Variants in COL11A1 observed in about 807,000 individuals in gnomAD.
The protein encoded by COL11A1 is collagen alpha-1(XI) chain.
COL11A1 carries 74 observed loss-of-function variants against 265.2 expected under a neutral mutation model. The ratio of observed to expected loss-of-function variants is 0.28; its 90% confidence interval spans 0.23 to 0.34. The LOEUF (loss-of-function observed/expected upper bound fraction) is 0.34. Among genes scored for constraint, COL11A1 ranks in the 10% least tolerant of loss-of-function variants. The pLI is 1.00. For synonymous variants in COL11A1, 816 were observed against 727.6 expected (o/e 1.12, Z -1.96); for missense variants, 2,165 against 2,263.6 (o/e 0.96, Z 0.88).
rs186275262 is a variant in COL11A1 at position 102,982,800 on chromosome 1, C to T, written c.2556+1338G>A. ...ACGTGGCAATGAGGGAACACAATGA[C>T]ATGCAGTTTACATATTCAGGGAGAA... On this transcript the variant is annotated intron_variant, in intron 31 of 66. Coordinates refer to ENST00000370096, the MANE Select transcript of COL11A1 (RefSeq NM_001854.4). Among the ~76,000 whole-genome samples the T allele has an allele frequency of 1.5e-3, 235 of 152,168 alleles. 1 individual carries two copies. The highest frequency in any genetic ancestry group is 0.01 in the Middle Eastern group (3 of 294).
Position 103,004,931 on chromosome 1 carries a change from G to A in COL11A1, c.1846-270C>T, listed in dbSNP as rs71664955. Among the ~76,000 whole-genome samples the A allele has an allele frequency of 0.024, 3,679 of 151,610 alleles. 58 individuals carry two copies. Among genetic ancestry groups the A allele is most frequent in the Middle Eastern group, 0.09 (26 of 290 alleles). On this transcript the variant is annotated intron_variant, in intron 18 of 66. Coordinates refer to ENST00000370096, the MANE Select transcript of COL11A1 (RefSeq NM_001854.4). ...TTATGTAAAATAAGTATCTTAAATC[G>A]TTTTCAGACATTTAATTATTTTAAG...
chr1:102,974,608 C>T (rs1050946965), intron 36 of COL11A1, among the ~76,000 whole-genome samples: 6 of 151,936 alleles, frequency 3.9e-5, no homozygotes, highest in East Asian at 1.9e-4. Flanking sequence ...TTCTAGTCTT[C>T]GGTATACTGT....
At chr1:102,888,262 G>A (rs1651257853) in intron 62 of COL11A1, among the ~76,000 whole-genome samples, 1 of 152,084 alleles carries the variant, frequency 6.6e-6, no homozygotes, top group African/African-American at 2.4e-5. Flanking sequence ...TATTCCTAGA[G>A]TCAAGTAAAA....
chr1:103,046,508 C>T (rs746708227), intron 4 of COL11A1, among the ~76,000 whole-genome samples: 1 of 151,412 alleles, frequency 6.6e-6, no homozygotes, highest in Non-Finnish European at 1.5e-5. Context: ...GATATTAGCC[C>T]TTTGTCAGAT....
At chr1:102,913,822 C>A in intron 52 of COL11A1, 132 bp from the exon 53 acceptor site, 1 of 848,594 alleles carries the variant, frequency 1.2e-6, no homozygotes, top group Admixed American at 2.3e-5. Flanking sequence ...TCATTATATT[C>A]TTTTAACCTT....
At chr1:103,054,448 G>T (rs755365989) in intron 4 of COL11A1, among the ~76,000 whole-genome samples, 1 of 152,122 alleles carries the variant, frequency 6.6e-6, no homozygotes, top group Non-Finnish European at 1.5e-5. Context: ...TTCAGGTATT[G>T]AAGGCTTCTT....
At chr1:103,085,113 C>T (rs61817087) in intron 1 of COL11A1, among the ~76,000 whole-genome samples, 1 of 152,196 alleles carries the variant, frequency 6.6e-6, no homozygotes, top group Non-Finnish European at 1.5e-5. Context: ...GTCCTCCCAC[C>T]ATGCAGTTCA....
rs1197539420 is a variant in COL11A1 at position 103,008,390 on chromosome 1, A to T, written c.1683+73T>A. On this transcript the variant is annotated intron_variant, in intron 15 of 66. Coordinates refer to ENST00000370096, the MANE Select transcript of COL11A1 (RefSeq NM_001854.4). ...GGAACAAAAAAAAAATTAACTATTG[A>T]TGCATTCTCGAAGGAATTATGCTGT... is the stretch of plus-strand genomic sequence containing the variant. The T allele has an allele frequency of 3.3e-6, 4 of 1,201,344 alleles. No individual in the cohort carries two copies. In the African/African-American group the frequency reaches 6.0e-5, roughly 18 times the overall value. The allele number at this position is 1,201,344 out of a possible 1,614,324, so 74.4% of individuals were successfully genotyped here. A position where few individuals can be genotyped will look rare whatever the true frequency, so the allele number is the denominator to read the frequency against.
intron 38 of COL11A1, 39 bp from the exon 39 acceptor site, chr1:102,962,799 TA>T: frequency 1.3e-6 from 2 of 1,575,718 alleles, no homozygotes; most frequent in South Asian, 2.2e-5. Context: ...ATTGCTCTTT[TA>T]TTTTTGGCAA....
chr1:102,880,066 T>C (rs1032252359), intron 65 of COL11A1, 150 bp from the exon 66 acceptor site: 2 of 628,058 alleles, frequency 3.2e-6, no homozygotes, highest in South Asian at 1.9e-5. Flanking sequence ...AAAGTGTACA[T>C]TGAGGGTCAG....
chr1:103,010,100 A>G (rs1665975460), intron 14 of COL11A1, among the ~76,000 whole-genome samples: 1 of 152,156 alleles, frequency 6.6e-6, no homozygotes, highest in African/African-American at 2.4e-5. Flanking sequence ...TAGGGAAAAA[A>G]CAGATTTTCT....
At chr1:103,051,630 C>T (rs1669836202) in intron 4 of COL11A1, among the ~76,000 whole-genome samples, 1 of 152,212 alleles carries the variant, frequency 6.6e-6, no homozygotes, top group Admixed American at 6.5e-5. Context: ...CTGTCTGGCA[C>T]ACCCCAGTGA....
chr1:102,998,884 T>C (rs888113684), intron 24 of COL11A1, among the ~76,000 whole-genome samples: 1 of 151,848 alleles, frequency 6.6e-6, no homozygotes, highest in Non-Finnish European at 1.5e-5. Context: ...AAAGAACATA[T>C]CCTAATAGGT....
chr1:102,923,514 C>T, intron 46 of COL11A1, 125 bp from the exon 47 acceptor site: 1 of 733,282 alleles, frequency 1.4e-6, no homozygotes, highest in Non-Finnish European at 2.3e-6. Flanking sequence ...GATTCAGATA[C>T]TAACATTTGT....
Position 102,988,569 on chromosome 1 carries a change from T to C in COL11A1, c.2395-829A>G, listed in dbSNP as rs117956287. On this transcript the variant is annotated intron_variant, in intron 29 of 66. Transcript: ENST00000370096. Reference sequence around the variant, plus strand: ...TGTTGAAAGTCAGAGTTTTCAACTTTGGTGTGTTTACTCATGTTTTTGTTC... The same window carrying C: ...TGTTGAAAGTCAGAGTTTTCAACTTCGGTGTGTTTACTCATGTTTTTGTTC... Among the ~76,000 whole-genome samples the C allele has an allele frequency of 8.4e-4, 128 of 152,272 alleles. No individual in the cohort carries two copies. In the East Asian group the frequency reaches 0.019, roughly 23 times the overall value.
At chr1:102,893,093 G>A (rs1315996112) in intron 57 of COL11A1, among the ~76,000 whole-genome samples, 2 of 152,262 alleles carry the variant, frequency 1.3e-5, no homozygotes, top group African/African-American at 2.4e-5. Context: ...TGTATAAACA[G>A]TGAAGCATAA....
intron 25 of COL11A1, among the ~76,000 whole-genome samples, chr1:102,998,064 A>C (rs1664793385): frequency 1.3e-5 from 2 of 151,932 alleles, no homozygotes; most frequent in Non-Finnish European, 2.9e-5. Context: ...GAAAAAAAAT[A>C]TGAGATTCTG....
chr1:103,045,916 T>C (rs2102083179), intron 4 of COL11A1, among the ~76,000 whole-genome samples: 1 of 152,134 alleles, frequency 6.6e-6, no homozygotes, highest in African/African-American at 2.4e-5. Flanking sequence ...GGTTTCCAGC[T>C]TCATCCATGT....
chr1:102,987,888 A>G, intron 29 of COL11A1, 148 bp from the exon 30 acceptor site: 1 of 688,792 alleles, frequency 1.5e-6, no homozygotes, highest in Non-Finnish European at 2.6e-6. Context: ...GTTCCTGGGC[A>G]TGGAGCAAGC....
Sources: gnomAD v4.1 joint callset for allele counts (sites outside exome capture counted in the v4.1 genomes callset) on GRCh38, gnomAD v4.1.1 for gene constraint, MANE v1.5 for transcripts, NCBI Gene and HGNC (gene_info 2026-07-23, HGNC 2026-07-21) for gene names.